Variants in DIAPH3 observed in about 807,000 individuals in gnomAD.
The protein encoded by DIAPH3 is protein diaphanous homolog 3.
A neutral mutation model predicts 144.3 loss-of-function variants in DIAPH3; 117 were observed. The observed-to-expected ratio is 0.81, with a 90% confidence interval of 0.70 to 0.95. The LOEUF (loss-of-function observed/expected upper bound fraction) is 0.95, where lower values mean the gene tolerates loss of function less well. Ranked by LOEUF, DIAPH3 falls within the 40% of genes least tolerant of loss-of-function variation. The pLI is 0.00. For missense variants in DIAPH3, 1,421 were observed against 1,412.7 expected (o/e 1.01, Z -0.09); for synonymous variants, 519 against 488.9 (o/e 1.06, Z -0.81).
chr13:59,859,672 AT>A lies in DIAPH3; in HGVS notation c.2737+1734del, dbSNP rs200290604. On this transcript the variant is annotated intron_variant, in intron 22 of 27. Coordinates refer to ENST00000400324, the MANE Select transcript of DIAPH3 (RefSeq NM_001042517.2). ...TGTCCATCAAGAATACTCATTTCCA[AT>A]TTTTTTTTATCCCATTTGGTCAAAA... Among the ~76,000 whole-genome samples the A allele has an allele frequency of 7.3e-5, 11 of 151,426 alleles. No individual in the cohort carries two copies. In the South Asian group the frequency reaches 1.0e-3, roughly 14 times the overall value.
At position 59,917,889 on chromosome 13, in the gene DIAPH3, CAAAAAAAA is replaced by C. The variant is rs60792156; in HGVS notation, c.2171-1648_2171-1641del. On this transcript the variant is annotated intron_variant, in intron 18 of 27. Coordinates refer to ENST00000400324, the MANE Select transcript of DIAPH3 (RefSeq NM_001042517.2). The stretch of plus-strand genomic sequence containing the variant: ...TGGGCGACAGAGTAAGACTCTGTCT[CAAAAAAAA>C]AAAAAAAAAAAAAAAAAAAAGTAAG... Among the ~76,000 whole-genome samples the C allele has an allele frequency of 4.5e-3, 84 of 18,640 alleles. 1 individual carries two copies. Among genetic ancestry groups the C allele is most frequent in the Admixed American group, 0.044 (58 of 1,306 alleles). 12.2% of individuals were successfully genotyped at this position (18,640 alleles called of 152,430 possible).
intron 25 of DIAPH3, among the ~76,000 whole-genome samples, chr13:59,782,119 A>G (rs1369629929): frequency 6.6e-6 from 1 of 152,224 alleles, no homozygotes; most frequent in Non-Finnish European, 1.5e-5. Flanking sequence ...AACAAGGAAT[A>G]CTGAAATTTG....
intron 1 of DIAPH3, among the ~76,000 whole-genome samples, chr13:60,146,203 T>C (rs1265356532): frequency 6.6e-6 from 1 of 152,232 alleles, no homozygotes; most frequent in Non-Finnish European, 1.5e-5. Context: ...TTTACATTTC[T>C]TTCAGAAATA....
At chr13:59,862,079 T>C (rs1294529454) in intron 21 of DIAPH3, among the ~76,000 whole-genome samples, 2 of 152,126 alleles carry the variant, frequency 1.3e-5, no homozygotes, top group East Asian at 1.9e-4. Context: ...GGAAGTTGTA[T>C]GGGCTTAGGG....
Position 59,839,428 on chromosome 13 carries a change from T to C in DIAPH3, c.2758A>G (p.Lys920Glu). The C allele has an allele frequency of 1.9e-6, 3 of 1,613,580 alleles. No homozygotes were observed. The highest frequency in any genetic ancestry group is 3.3e-5 in the Admixed American group (2 of 59,982). The change falls in exon 23 of 28, where the codon AAG becomes GAG. Residue 920 changes from lysine (K) to glutamate (E), a missense_variant. Physicochemically the swap from Lys to Glu is moderately conservative, Grantham distance 56. Coordinates refer to ENST00000400324, the MANE Select transcript of DIAPH3 (RefSeq NM_001042517.2). Reference sequence around the variant, plus strand: ...TGCCTTCCCATCTGCCTCAAATTCTTTTCCAGCGTTTCTACAGAGACTAAA... The same window carrying C: ...TGCCTTCCCATCTGCCTCAAATTCTCTTCCAGCGTTTCTACAGAGACTAAA... ...ASKVSVETLEKNLRQMGRQLQ... is the reference protein window; with the variant it reads ...ASKVSVETLEENLRQMGRQLQ...
rs35387511 is a variant in DIAPH3, at chr13:59,762,052, CTTTTTTTTTTTT to C, written c.3319+12125_3319+12136del. ...GCACCCAAGATGAAAGCGTCAGCAT[CTTTTTTTTTTTT>C]TTTTTTTTTTTTTTTTAGACAGTCT... On this transcript the variant is annotated intron_variant, in intron 27 of 27. Transcript: ENST00000400324. 1.2e-3 allele frequency among the ~76,000 whole-genome samples: 70 copies of C among 59,520 alleles called. 3 individuals are homozygous for C. The highest frequency in any genetic ancestry group is 0.011 in the Middle Eastern group (1 of 94). 39.0% of individuals were successfully genotyped at this position (59,520 alleles called of 152,430 possible).
chr13:60,066,198 TA>T (rs1167140744), intron 4 of DIAPH3, among the ~76,000 whole-genome samples: 1 of 152,146 alleles, frequency 6.6e-6, no homozygotes, highest in African/African-American at 2.4e-5. Context: ...GGAAGTGCAG[TA>T]ATTCACACTT....
chr13:59,693,703 T>A (rs1442333799), intron 27 of DIAPH3, among the ~76,000 whole-genome samples: 1 of 152,128 alleles, frequency 6.6e-6, no homozygotes, highest in African/African-American at 2.4e-5. Context: ...ATGTTTTTAA[T>A]AAAAAGAGAA....
At chr13:59,668,308 G>T (rs1157122301) in intron 27 of DIAPH3, among the ~76,000 whole-genome samples, 1 of 152,184 alleles carries the variant, frequency 6.6e-6, no homozygotes, top group East Asian at 1.9e-4. Context: ...AACTGCATTT[G>T]CAGCTAAATG....
intron 27 of DIAPH3, among the ~76,000 whole-genome samples, chr13:59,680,845 G>T (rs1300604400): frequency 6.6e-6 from 1 of 152,070 alleles, no homozygotes; most frequent in Non-Finnish European, 1.5e-5. Context: ...TTTGGAAGGG[G>T]AAGGAAAACA....
chr13:60,103,192 C>A (rs565880933), intron 3 of DIAPH3, among the ~76,000 whole-genome samples: 73 of 151,890 alleles, frequency 4.8e-4, no homozygotes, highest in Non-Finnish European at 6.2e-4. Context: ...TACCTGTGCA[C>A]ACACATGCAA....
At chr13:60,120,700 G>C (rs2058823375) in intron 2 of DIAPH3, among the ~76,000 whole-genome samples, 1 of 152,144 alleles carries the variant, frequency 6.6e-6, no homozygotes, top group Admixed American at 6.5e-5. Context: ...AGTGTTTGGA[G>C]ATGCCTGCAC....
chr13:60,035,437 G>A (rs2055138693), intron 5 of DIAPH3, among the ~76,000 whole-genome samples: 1 of 152,196 alleles, frequency 6.6e-6, no homozygotes, highest in African/African-American at 2.4e-5. Context: ...TAGAGAAATG[G>A]TGCTAGGTTT....
chr13:59,692,828 G>A (rs2033606327), intron 27 of DIAPH3, among the ~76,000 whole-genome samples: 1 of 151,982 alleles, frequency 6.6e-6, no homozygotes, highest in South Asian at 2.1e-4. Context: ...GTTATTTTGG[G>A]TCTAATTTAC....
intron 20 of DIAPH3, among the ~76,000 whole-genome samples, chr13:59,889,958 G>A (rs2045686831): frequency 2.0e-5 from 3 of 152,080 alleles, no homozygotes; most frequent in African/African-American, 7.2e-5. Context: ...TTAGGGTGTG[G>A]CCCTACTTCC....
At chr13:59,811,899 C>A (rs73543219) in intron 24 of DIAPH3, among the ~76,000 whole-genome samples, 245 of 152,020 alleles carry the variant, frequency 1.6e-3, no homozygotes, top group African/African-American at 5.7e-3. Flanking sequence ...TCAAGAAATA[C>A]CTCTCATGTG....
chr13:60,163,551 G>A, intron 1 of DIAPH3, 36 bp downstream of exon 1: 2 of 1,568,196 alleles, frequency 1.3e-6, no homozygotes, highest in Non-Finnish European at 1.7e-6. Context: ...ACGGCGGGGC[G>A]GGAGCGGCCC....
intron 17 of DIAPH3, among the ~76,000 whole-genome samples, chr13:59,966,209 CGTT>C (rs2050042006): frequency 6.6e-6 from 1 of 151,624 alleles, no homozygotes; most frequent in African/African-American, 2.4e-5. Context: ...CCCACAGAAG[CGTT>C]GTTGTAAATG....
chr13:59,744,513 T>C, intron 27 of DIAPH3, among the ~76,000 whole-genome samples: 1 of 117,216 alleles, frequency 8.5e-6, no homozygotes, highest in Non-Finnish European at 1.8e-5. Context: ...TTATGAGATT[T>C]TGTGTGTAAT....
Sources: allele counts gnomAD v4.1 joint callset (sites outside exome capture counted in the v4.1 genomes callset), GRCh38; gene constraint gnomAD v4.1.1; transcripts MANE v1.5; gene names NCBI Gene and HGNC (gene_info 2026-07-23, HGNC 2026-07-21).